The following SLC7A1 variants were observed in gnomAD, a reference collection of about 807,000 sequenced individuals.
SLC7A1 encodes the protein solute carrier family 7 member 1.
SLC7A1 carries 10 observed loss-of-function variants against 53.9 expected under a neutral mutation model. The observed-to-expected ratio is 0.19, with a 90% CI of 0.11 to 0.31. The LOEUF is 0.31. SLC7A1 is among the 10% of genes least tolerant of loss of function. SLC7A1 has a pLI of 1.00. For missense variants in SLC7A1, 525 were observed against 827.2 expected, an observed-to-expected ratio of 0.63 and a Z score of 4.48; for synonymous variants, 342 against 338.7, an observed-to-expected ratio of 1.01 and a Z score of -0.11.
intron 6 of SLC7A1, 47 bp from the exon 7 acceptor site, chr13:29,523,535 G>GATACACTGCCTCT: frequency 7.0e-7 from 1 of 1,421,052 alleles, no homozygotes; most frequent in Non-Finnish European, 9.9e-7. Flanking sequence ...GCAAGAGGCA[G>GATACACTGCCTCT]TGTATCTGCC....
intron 2 of SLC7A1, among the ~76,000 whole-genome samples, chr13:29,538,909 G>T (rs1397313616): frequency 6.6e-6 from 1 of 152,154 alleles, no homozygotes; most frequent in Non-Finnish European, 1.5e-5. Flanking sequence ...TCTTGTTTCG[G>T]ATCTGGCTGG....
intron 9 of SLC7A1, 127 bp downstream of exon 9, chr13:29,519,320 G>C (rs1249205523): frequency 1.7e-6 from 1 of 586,260 alleles, no homozygotes; most frequent in African/African-American, 1.9e-5. Flanking sequence ...CCCTCTCCTT[G>C]GCAGCTCCCA....
At chr13:29,572,337 C>T (rs1984029) in intron 1 of SLC7A1, among the ~76,000 whole-genome samples, 3 of 152,126 alleles carry the variant, frequency 2.0e-5, no homozygotes, top group South Asian at 2.1e-4. Flanking sequence ...TCCACGCACA[C>T]GCTGTCAATA....
intron 2 of SLC7A1, among the ~76,000 whole-genome samples, chr13:29,538,307 G>C (rs1869515278): frequency 6.6e-6 from 1 of 152,134 alleles, no homozygotes; most frequent in African/African-American, 2.4e-5. Context: ...AATGAGGAGG[G>C]AGCGCTGCTT....
intron 1 of SLC7A1, among the ~76,000 whole-genome samples, chr13:29,587,624 G>T (rs1217560937): frequency 6.6e-6 from 1 of 152,188 alleles, no homozygotes; most frequent in East Asian, 1.9e-4. Context: ...AAGGGGTATA[G>T]ACCAGACAAG....
intron 1 of SLC7A1, among the ~76,000 whole-genome samples, chr13:29,581,932 G>A (rs1030383608): frequency 3.9e-5 from 6 of 152,188 alleles, no homozygotes; most frequent in Admixed American, 1.3e-4. Flanking sequence ...CTCAGGAATG[G>A]GATTTTTCTT....
chr13:29,549,521 C>A (rs1251694187), intron 2 of SLC7A1, among the ~76,000 whole-genome samples: 1 of 152,230 alleles, frequency 6.6e-6, no homozygotes, highest in African/African-American at 2.4e-5. Context: ...GACCCCAGAG[C>A]CAGCCCCTCA....
chr13:29,580,531 G>C (rs1443014731), intron 1 of SLC7A1, among the ~76,000 whole-genome samples: 1 of 152,050 alleles, frequency 6.6e-6, no homozygotes, highest in African/African-American at 2.4e-5. Context: ...TCCTTCATAG[G>C]CCTTTTTCAC....
intron 1 of SLC7A1, among the ~76,000 whole-genome samples, chr13:29,588,215 C>T (rs1871967738): frequency 6.6e-6 from 1 of 152,162 alleles, no homozygotes; most frequent in Admixed American, 6.5e-5. Context: ...TGGCCTAGAT[C>T]GCAGGGTTGT....
rs1869402609 is a variant in SLC7A1 at position 29,536,063 on chromosome 13, C to T, written c.126G>A (p.Val42=). The change falls in exon 3 of 13, where the codon GTG becomes GTA. Residue 42 remains valine (V), a synonymous_variant. Coordinates refer to ENST00000380752, the MANE Select transcript of SLC7A1 (RefSeq NM_003045.5). Reference sequence around the variant, plus strand: ...AGACACCAGCACCCAGTGTGCTGCCCACCCCGAGGGCCACCAGATCAAAAG... The same window carrying T: ...AGACACCAGCACCCAGTGTGCTGCCTACCCCGAGGGCCACCAGATCAAAAG... The part of the protein sequence containing the change: ...LNTFDLVALG[V]GSTLGAGVYV... 1 of 1,613,914 alleles carries T rather than the reference C, an allele frequency of 6.2e-7. No individual in the cohort carries two copies. The highest frequency in any genetic ancestry group is 8.5e-7 in the Non-Finnish European group (1 of 1,180,046).
rs1883465117 is a variant in SLC7A1 at position 29,513,680 on chromosome 13, G to T, written c.*800C>A. 6.5e-6 allele frequency: 1 copy of T among 152,844 alleles called. No homozygotes were observed. Among genetic ancestry groups the T allele is most frequent in the African/African-American group, 2.4e-5 (1 of 41,484 alleles). The allele number at this position is 152,844 out of a possible 1,614,324, so 9.5% of individuals were successfully genotyped here. A position where few individuals can be genotyped will look rare whatever the true frequency, so the allele number is the denominator to read the frequency against. ...GTTACTCAGGACACAGCCAGTCGGG[G>T]GAGACGGCAGGAGCAGCAAGAACTG... On this transcript the variant is annotated 3_prime_UTR_variant, in exon 13 of 13. Coordinates refer to ENST00000380752, the MANE Select transcript of SLC7A1 (RefSeq NM_003045.5).
rs536239770 is a variant in SLC7A1, at chr13:29,587,902, TG to T, written c.-115+7513del. Among the ~76,000 whole-genome samples, 18 of 152,300 alleles carry T rather than the reference TG, an allele frequency of 1.2e-4. No individual in the cohort carries two copies. In the South Asian group the frequency reaches 3.5e-3, roughly 30 times the overall value. On this transcript the variant is annotated intron_variant, in intron 1 of 12. Transcript: ENST00000380752. ...GGGTGGTGGAGGGATCACGAGTCTG[TG>T]TGGCCAGGTCACCAGAGCTGAAGGA...
rs114928776 is a variant in SLC7A1, at chr13:29,561,735, C to T, written c.-114-7875G>A. ...CCACAAGGGCAGGCCCCAGGCATCA[C>T]CGAAGAATCCAGAACTGCCCTCTGA... On this transcript the variant is annotated intron_variant, in intron 1 of 12. Transcript: ENST00000380752. Among the ~76,000 whole-genome samples the T allele has an allele frequency of 2.4e-3, 365 of 152,342 alleles. 1 individual carries two copies. The highest frequency in any genetic ancestry group is 8.3e-3 in the African/African-American group (346 of 41,576).
chr13:29,587,837 C>CTTGGCTGCGGACA (rs1566279379), intron 1 of SLC7A1, among the ~76,000 whole-genome samples: 2 of 151,920 alleles, frequency 1.3e-5, no homozygotes, highest in Non-Finnish European at 2.9e-5. Context: ...GCTCCTCCCA[C>CTTGGCTGCGGACA]AGCCCCAGGA....
chr13:29,516,956 T>C, intron 11 of SLC7A1, 188 bp downstream of exon 11: 1 of 511,324 alleles, frequency 2.0e-6, no homozygotes, highest in Non-Finnish European at 3.4e-6. Context: ...GGAGAAGGGC[T>C]GCTGCCTCCT....
chr13:29,532,264 T>A (rs1026883373), intron 4 of SLC7A1, among the ~76,000 whole-genome samples: 1 of 152,224 alleles, frequency 6.6e-6, no homozygotes, highest in East Asian at 1.9e-4. Context: ...GAAGTTGCCA[T>A]CAGCTGTGTT....
chr13:29,556,130 A>G (rs375553962), intron 1 of SLC7A1, among the ~76,000 whole-genome samples: 2 of 152,200 alleles, frequency 1.3e-5, no homozygotes, highest in East Asian at 3.9e-4. Flanking sequence ...TTTTCCTTAT[A>G]TACTTCAACT....
intron 1 of SLC7A1, among the ~76,000 whole-genome samples, chr13:29,589,377 C>T (rs1193890314): frequency 6.6e-6 from 1 of 152,218 alleles, no homozygotes; most frequent in Non-Finnish European, 1.5e-5. Flanking sequence ...AACAAGGCTC[C>T]ATTGTGGTCT....
At chr13:29,555,000 G>A (rs1012203557) in intron 1 of SLC7A1, among the ~76,000 whole-genome samples, 20 of 151,922 alleles carry the variant, frequency 1.3e-4, no homozygotes, top group African/African-American at 2.4e-4. Context: ...CATGACCATC[G>A]TGATAAGCAA....
Sources: gnomAD v4.1 joint callset for allele counts (sites outside exome capture counted in the v4.1 genomes callset) on GRCh38, gnomAD v4.1.1 for gene constraint, MANE v1.5 for transcripts, NCBI Gene and HGNC (gene_info 2026-07-23, HGNC 2026-07-21) for gene names.